Variants in SLC35F3 observed in about 807,000 individuals in gnomAD.
SLC35F3 encodes solute carrier family 35 member F3.
In SLC35F3, 25 loss-of-function variants were observed where a neutral mutation model predicts 49.9. The observed-to-expected ratio is 0.50, with a 90% CI of 0.37 to 0.70. SLC35F3 has a LOEUF of 0.70. Among genes scored for constraint, SLC35F3 ranks in the 30% least tolerant of loss-of-function variants. The probability of loss-of-function intolerance (pLI) is 0.00; values close to 1 mark genes in which losing one functional copy is unlikely to be tolerated. For missense variants in SLC35F3, 525 were observed against 639.8 expected, an observed-to-expected ratio of 0.82 and a Z score of 1.94; for synonymous variants, 275 against 265.4, an observed-to-expected ratio of 1.04 and a Z score of -0.35.
chr1:234,256,131 TA>T (rs1053598835), intron 3 of SLC35F3, among the ~76,000 whole-genome samples: 4 of 152,064 alleles, frequency 2.6e-5, no homozygotes, highest in African/African-American at 9.7e-5. Flanking sequence ...TTTAATGTCA[TA>T]AGAGTGGAAA....
chr1:233,985,109 G>A (rs1209014632), intron 2 of SLC35F3, among the ~76,000 whole-genome samples: 1 of 152,156 alleles, frequency 6.6e-6, no homozygotes, highest in East Asian at 1.9e-4. Context: ...TGGTGGTGAG[G>A]TCTGCTCAAC....
chr1:234,121,251 C>T (rs1665568078), intron 2 of SLC35F3, among the ~76,000 whole-genome samples: 1 of 151,482 alleles, frequency 6.6e-6, no homozygotes, highest in South Asian at 2.1e-4. Context: ...ATTCTCCTGC[C>T]TCAGCCTCCT....
At chr1:234,178,973 C>G (rs1316237185) in intron 2 of SLC35F3, among the ~76,000 whole-genome samples, 1 of 152,180 alleles carries the variant, frequency 6.6e-6, no homozygotes, top group Non-Finnish European at 1.5e-5. Flanking sequence ...CCTTTTCCAA[C>G]ATATCATAAG....
At chr1:234,304,044 TCTTTCTTTCCTTC>T (rs1668734966) in intron 3 of SLC35F3, among the ~76,000 whole-genome samples, 1 of 18,630 alleles carries the variant, frequency 5.4e-5, no homozygotes, top group African/African-American at 3.5e-4. Flanking sequence ...CTTCCTTCCT[TCTTTCTTTCCTTC>T]CTTTCCTTCC....
chr1:234,281,928 G>T (rs1159090267), intron 3 of SLC35F3, among the ~76,000 whole-genome samples: 1 of 152,164 alleles, frequency 6.6e-6, no homozygotes, highest in Admixed American at 6.5e-5. Context: ...TGCAGCCTTG[G>T]CCAGGGAGCA....
At chr1:234,222,838 T>TG (rs1179203190) in intron 2 of SLC35F3, among the ~76,000 whole-genome samples, 1 of 152,240 alleles carries the variant, frequency 6.6e-6, no homozygotes, top group Non-Finnish European at 1.5e-5. Flanking sequence ...CATATTTGTC[T>TG]GGGTTTTGTG....
chr1:234,179,445 C>T (rs1029619956), intron 2 of SLC35F3, among the ~76,000 whole-genome samples: 6 of 152,034 alleles, frequency 3.9e-5, no homozygotes, highest in Non-Finnish European at 7.4e-5. Context: ...TGTATGTATT[C>T]GTGATGTACA....
chr1:234,204,795 C>T (rs1230803464), intron 2 of SLC35F3, among the ~76,000 whole-genome samples: 2 of 152,202 alleles, frequency 1.3e-5, no homozygotes, highest in Admixed American at 6.5e-5. Flanking sequence ...CACCTCTACA[C>T]CTCATCTCTT....
At chr1:234,316,780 C>T (rs1657500358) in intron 5 of SLC35F3, 53 bp downstream of exon 5, 1 of 1,573,524 alleles carries the variant, frequency 6.4e-7, no homozygotes, top group African/African-American at 1.3e-5. Flanking sequence ...TCAGCCAGCA[C>T]AGCCGGCTTT....
chr1:234,091,502 A>T (rs1665043948), intron 2 of SLC35F3, among the ~76,000 whole-genome samples: 1 of 152,200 alleles, frequency 6.6e-6, no homozygotes, highest in African/African-American at 2.4e-5. Flanking sequence ...CAGGGTGGAA[A>T]GTCTGTTCAT....
intron 2 of SLC35F3, among the ~76,000 whole-genome samples, chr1:233,944,966 G>A (rs912396810): frequency 6.6e-6 from 1 of 151,884 alleles, no homozygotes; most frequent in African/African-American, 2.4e-5. Flanking sequence ...TATTGGTTGT[G>A]CATCCTAGGA....
intron 3 of SLC35F3, among the ~76,000 whole-genome samples, chr1:234,267,474 A>T (rs1668005254): frequency 2.9e-5 from 4 of 136,640 alleles, no homozygotes; most frequent in East Asian, 2.3e-4. Context: ...AGCGCCCCTC[A>T]CCTCCCGGAT....
chr1:233,933,731 C>T (rs1305545185), intron 2 of SLC35F3, among the ~76,000 whole-genome samples: 2 of 152,162 alleles, frequency 1.3e-5, no homozygotes, highest in Admixed American at 6.5e-5. Flanking sequence ...ATCCCAACTA[C>T]TGAGGAGGCT....
intron 2 of SLC35F3, among the ~76,000 whole-genome samples, chr1:233,929,677 A>T (rs1045549794): frequency 6.6e-6 from 1 of 152,142 alleles, no homozygotes; most frequent in Non-Finnish European, 1.5e-5. Flanking sequence ...GACCACTTGG[A>T]TTTCTAATGC....
At chr1:234,154,605 A>G (rs1343570268) in intron 2 of SLC35F3, among the ~76,000 whole-genome samples, 1 of 152,166 alleles carries the variant, frequency 6.6e-6, no homozygotes, top group Non-Finnish European at 1.5e-5. Flanking sequence ...GGGGAGCACA[A>G]ATTTGATGTC....
intron 3 of SLC35F3, among the ~76,000 whole-genome samples, chr1:234,264,914 C>T (rs1302879011): frequency 6.6e-6 from 1 of 152,186 alleles, no homozygotes; most frequent in African/African-American, 2.4e-5. Context: ...GGACACTGAA[C>T]TTTTTGTGTC....
At chr1:234,016,501 A>G in intron 2 of SLC35F3, among the ~76,000 whole-genome samples, 1 of 152,230 alleles carries the variant, frequency 6.6e-6, no homozygotes, top group Non-Finnish European at 1.5e-5. Context: ...GTGACAATGT[A>G]GATGAACGTG....
chr1:234,066,291 C>A (rs187116024), intron 2 of SLC35F3, among the ~76,000 whole-genome samples: 1 of 152,186 alleles, frequency 6.6e-6, no homozygotes, highest in East Asian at 1.9e-4. Flanking sequence ...TAGCGATTCC[C>A]ATCTTACTCC....
intron 2 of SLC35F3, among the ~76,000 whole-genome samples, chr1:233,924,267 C>G (rs932417834): frequency 6.6e-6 from 1 of 152,120 alleles, no homozygotes; most frequent in African/African-American, 2.4e-5. Flanking sequence ...GTGAATCCAT[C>G]TGGTCCTACA....
Sources: allele counts gnomAD v4.1 joint callset (sites outside exome capture counted in the v4.1 genomes callset), GRCh38; gene constraint gnomAD v4.1.1; transcripts MANE v1.5; gene names NCBI Gene and HGNC (gene_info 2026-07-23, HGNC 2026-07-21).